Variants in DLC1 observed in about 807,000 individuals in gnomAD.
The protein encoded by DLC1 is DLC1 Rho GTPase activating protein.
In DLC1, 54 loss-of-function variants were observed where a neutral mutation model predicts 140.3. The observed-to-expected ratio is 0.38, with a 90% confidence interval of 0.31 to 0.48. The LOEUF (loss-of-function observed/expected upper bound fraction) is 0.48, where lower values mean the gene tolerates loss of function less well. Ranked by LOEUF, DLC1 falls within the 20% of genes least tolerant of loss-of-function variation. The pLI is 0.96. For missense variants in DLC1, 2,536 were observed against 1,907.0 expected (o/e 1.33, Z -6.14); for synonymous variants, 986 against 728.1 (o/e 1.35, Z -5.70).
intron 2 of DLC1, among the ~76,000 whole-genome samples, chr8:13,410,587 A>G (rs566767149): frequency 6.6e-6 from 1 of 152,296 alleles, no homozygotes; most frequent in Admixed American, 6.5e-5. Flanking sequence ...CCCTCATATC[A>G]CAGTGGCAAA....
At chr8:13,115,438 G>C (rs962385028) in intron 6 of DLC1, 148 bp downstream of exon 6, 6 of 713,926 alleles carry the variant, frequency 8.4e-6, no homozygotes, top group Non-Finnish European at 1.3e-5. Flanking sequence ...TGTTTTCAGC[G>C]GTGGGGGTCT....
At chr8:13,362,805 C>T (rs926370544) in intron 4 of DLC1, among the ~76,000 whole-genome samples, 1 of 152,116 alleles carries the variant, frequency 6.6e-6, no homozygotes, top group Non-Finnish European at 1.5e-5. Context: ...AGGGCCTTTG[C>T]CCCGGATATT....
chr8:13,445,747 A>G (rs1424910555), intron 2 of DLC1, among the ~76,000 whole-genome samples: 1 of 152,192 alleles, frequency 6.6e-6, no homozygotes, highest in African/African-American at 2.4e-5. Flanking sequence ...AAACAAAACA[A>G]AAGTAACCCA....
At chr8:13,287,445 A>T (rs556306219) in intron 5 of DLC1, among the ~76,000 whole-genome samples, 1 of 146,860 alleles carries the variant, frequency 6.8e-6, no homozygotes, top group Non-Finnish European at 1.6e-5. Flanking sequence ...GAAATCAATC[A>T]CCATAAATAG....
chr8:13,370,971 T>C (rs1460610387), intron 4 of DLC1, among the ~76,000 whole-genome samples: 1 of 152,130 alleles, frequency 6.6e-6, no homozygotes, highest in Non-Finnish European at 1.5e-5. Flanking sequence ...CTGATGTGGG[T>C]GACGTACTCT....
Position 13,500,047 on chromosome 8 carries a change from T to G in DLC1, c.25A>C (p.Ser9Arg), listed in dbSNP as rs749956023. 3 of 1,613,946 alleles carry G rather than the reference T, an allele frequency of 1.9e-6. No homozygotes were observed. The highest frequency in any genetic ancestry group is 1.7e-5 in the Admixed American group (1 of 60,012). The change falls in exon 2 of 18, where the codon AGC (serine) becomes CGC (arginine). Residue 9 changes from serine (S) to arginine (R), a missense_variant. Physicochemically the swap from Ser to Arg is moderately radical, Grantham distance 110. Coordinates refer to ENST00000276297, the MANE Select transcript of DLC1 (RefSeq NM_182643.3). MSVAIRKR[S>R]WEEHVTHWMG... ...CAGTGGGTCACATGTTCTTCCCAGC[T>G]TCTCTTTCTGATAGCTACAGACATG...
intron 2 of DLC1, among the ~76,000 whole-genome samples, chr8:13,475,544 A>G (rs1218300093): frequency 6.6e-6 from 1 of 152,240 alleles, no homozygotes; most frequent in Non-Finnish European, 1.5e-5. Context: ...AAAATAACCT[A>G]TTCTGAATAG....
chr8:13,099,312 T>C, intron 9 of DLC1, 35 bp downstream of exon 9: 1 of 1,584,890 alleles, frequency 6.3e-7, no homozygotes, highest in Non-Finnish European at 8.6e-7. Flanking sequence ...TGACCCCCAG[T>C]GCCCCACACC....
At chr8:13,470,022 GT>G (rs1415458048) in intron 2 of DLC1, among the ~76,000 whole-genome samples, 26 of 152,172 alleles carry the variant, frequency 1.7e-4, no homozygotes, top group African/African-American at 6.0e-4. Context: ...TTTATATAAA[GT>G]ACCATCTAAC....
chr8:13,505,339 G>A (rs1802007831), intron 1 of DLC1, among the ~76,000 whole-genome samples: 1 of 150,958 alleles, frequency 6.6e-6, no homozygotes, highest in African/African-American at 2.4e-5. Context: ...AACAGATAAT[G>A]TTTAAAATAG....
At chr8:13,207,034 T>C (rs1563164536) in intron 5 of DLC1, among the ~76,000 whole-genome samples, 1 of 152,108 alleles carries the variant, frequency 6.6e-6, no homozygotes, top group Non-Finnish European at 1.5e-5. Context: ...ATAAAAGAAG[T>C]TGTGTTATGT....
At chr8:13,557,207 C>T (rs940476646) in intron 1 of DLC1, among the ~76,000 whole-genome samples, 1 of 152,072 alleles carries the variant, frequency 6.6e-6, no homozygotes, top group Admixed American at 6.6e-5. Flanking sequence ...TTATCCTGAA[C>T]ATTTCACTTT....
chr8:13,263,854 T>A (rs1200339550), intron 5 of DLC1, among the ~76,000 whole-genome samples: 1 of 151,696 alleles, frequency 6.6e-6, no homozygotes, highest in Admixed American at 6.6e-5. Context: ...TCTTAGACTA[T>A]GAAATTCCAT....
At chr8:13,109,550 T>G (rs991104378) in intron 7 of DLC1, among the ~76,000 whole-genome samples, 1 of 150,756 alleles carries the variant, frequency 6.6e-6, no homozygotes, top group African/African-American at 2.4e-5. Flanking sequence ...GAGTGAGACC[T>G]TGTCTTTAAA....
chr8:13,601,941 C>G (rs574090747), intron 1 of DLC1, among the ~76,000 whole-genome samples: 2 of 151,884 alleles, frequency 1.3e-5, no homozygotes, highest in South Asian at 4.1e-4. Context: ...TAATTCTATG[C>G]TTTCACATTT....
At chr8:13,597,252 T>G (rs573248988) in intron 1 of DLC1, among the ~76,000 whole-genome samples, 13 of 152,142 alleles carry the variant, frequency 8.5e-5, no homozygotes, top group Non-Finnish European at 1.8e-4. Context: ...TCAGCTTATA[T>G]CTCACATTTT....
intron 4 of DLC1, among the ~76,000 whole-genome samples, chr8:13,350,875 G>C (rs1359173499): frequency 2.6e-5 from 4 of 152,146 alleles, no homozygotes; most frequent in Non-Finnish European, 4.4e-5. Context: ...TTGTTTTCAA[G>C]TATAATACTC....
chr8:13,541,642 C>T (rs1447066508), intron 1 of DLC1, among the ~76,000 whole-genome samples: 5 of 152,258 alleles, frequency 3.3e-5, no homozygotes, highest in Non-Finnish European at 5.9e-5. Context: ...CTCCGCCTCC[C>T]GGGTTCATGC....
At chr8:13,372,900 A>C (rs1277341396) in intron 4 of DLC1, among the ~76,000 whole-genome samples, 1 of 152,220 alleles carries the variant, frequency 6.6e-6, no homozygotes. Context: ...AACAGATTTG[A>C]ATGCCATCAA....
Sources: allele counts gnomAD v4.1 joint callset (sites outside exome capture counted in the v4.1 genomes callset), GRCh38; gene constraint gnomAD v4.1.1; transcripts MANE v1.5; gene names NCBI Gene and HGNC (gene_info 2026-07-23, HGNC 2026-07-21).